The following TNC variants were observed in gnomAD, a reference collection of about 807,000 sequenced individuals.
The protein encoded by TNC is tenascin C.
In TNC, 109 loss-of-function variants were observed where a neutral mutation model predicts 202.4. The ratio of observed to expected loss-of-function variants is 0.54; its 90% CI spans 0.46 to 0.63. The LOEUF (loss-of-function observed/expected upper bound fraction) is 0.63. TNC is among the 30% of genes least tolerant of loss of function. The pLI is 0.00. For missense variants in TNC, 2,756 were observed against 2,833.3 expected, an observed-to-expected ratio of 0.97 and a Z score of 0.62; for synonymous variants, 1,007 against 1,089.7, an observed-to-expected ratio of 0.92 and a Z score of 1.50.
chr9:115,092,407 T>G (rs1234993927), intron 1 of TNC, among the ~76,000 whole-genome samples: 1 of 152,132 alleles, frequency 6.6e-6, no homozygotes, highest in Non-Finnish European at 1.5e-5. Flanking sequence ...TAGAGGCAGT[T>G]GAGAAACTAA....
At chr9:115,068,979 G>T (rs1833155607) in intron 10 of TNC, among the ~76,000 whole-genome samples, 1 of 152,132 alleles carries the variant, frequency 6.6e-6, no homozygotes, top group African/African-American at 2.4e-5. Context: ...TTTGGGTTTT[G>T]GTTCTCTCTC....
chr9:115,065,901 CAAAAAAAAAAAA>C (rs35177151), intron 10 of TNC, among the ~76,000 whole-genome samples: 2 of 46,678 alleles, frequency 4.3e-5, no homozygotes, highest in African/African-American at 1.7e-4. Context: ...GACTCCATCT[CAAAAAAAAAAAA>C]AAAAAAAAAA....
rs1048773509 is a variant in TNC, at chr9:115,101,137, A to G, written c.-136-9983T>C. ...CCAAGCCCTGAGTTAAGTATAAACG[A>G]TACAACACCAAAGAAGATAAACATG... is the stretch of plus-strand genomic sequence containing the variant. On this transcript the variant is annotated intron_variant, in intron 1 of 27. Coordinates refer to ENST00000350763, the MANE Select transcript of TNC (RefSeq NM_002160.4). 9.2e-5 allele frequency among the ~76,000 whole-genome samples: 14 copies of G among 152,216 alleles called. 1 individual carries two copies. Among genetic ancestry groups the G allele is most frequent in the Admixed American group, 1.3e-4 (2 of 15,282 alleles).
At chr9:115,110,328 C>CT in intron 1 of TNC, among the ~76,000 whole-genome samples, 1 of 152,198 alleles carries the variant, frequency 6.6e-6, no homozygotes, top group African/African-American at 2.4e-5. Flanking sequence ...AATATCTGGA[C>CT]TTTTTTGCAG....
chr9:115,051,188 A>G (rs1009264134), intron 15 of TNC, among the ~76,000 whole-genome samples: 1 of 152,172 alleles, frequency 6.6e-6, no homozygotes, highest in African/African-American at 2.4e-5. Context: ...ACCATTTGGC[A>G]GCATTTGCCA....
chr9:115,117,489 T>C lies in TNC; in HGVS notation c.-137+493A>G, dbSNP rs79054796. Among the ~76,000 whole-genome samples, 781 of 152,318 alleles carry C rather than the reference T, an allele frequency of 5.1e-3. 7 individuals are homozygous for C. Among genetic ancestry groups the C allele is most frequent in the African/African-American group, 0.017 (711 of 41,568 alleles). ...ATATTTTGAGGACCAAATGAGGGAA[T>C]GGGTACAAAACTCTTTGTAAACTTT... On this transcript the variant is annotated intron_variant, in intron 1 of 27. Coordinates refer to ENST00000350763, the MANE Select transcript of TNC (RefSeq NM_002160.4).
chr9:115,115,765 T>C (rs1837415588), intron 1 of TNC, among the ~76,000 whole-genome samples: 1 of 152,180 alleles, frequency 6.6e-6, no homozygotes, highest in Non-Finnish European at 1.5e-5. Context: ...TTTGTAAATG[T>C]GCTTTTTGTC....
intron 1 of TNC, among the ~76,000 whole-genome samples, chr9:115,100,263 G>A (rs1207780974): frequency 6.6e-6 from 1 of 152,204 alleles, no homozygotes; most frequent in African/African-American, 2.4e-5. Flanking sequence ...AGAAGCAACT[G>A]TAGAAGATCA....
intron 1 of TNC, among the ~76,000 whole-genome samples, chr9:115,094,294 C>T (rs1835451240): frequency 6.6e-6 from 1 of 152,096 alleles, no homozygotes; most frequent in Non-Finnish European, 1.5e-5. Context: ...GAATACAGTC[C>T]TAAACTCAGC....
intron 6 of TNC, among the ~76,000 whole-genome samples, chr9:115,081,442 G>A (rs561134228): frequency 1.2e-3 from 185 of 152,256 alleles, no homozygotes; most frequent in African/African-American, 4.3e-3. Context: ...TTCAATAGCT[G>A]TGTGAACAGG....
At chr9:115,048,629 A>C in intron 15 of TNC, 97 bp from the exon 16 acceptor site, 1 of 1,242,378 alleles carries the variant, frequency 8.0e-7, no homozygotes, top group Non-Finnish European at 1.1e-6. Context: ...ACCCAAGTCC[A>C]TCATTCAATT....
chr9:115,050,790 G>C (rs555419064), intron 15 of TNC, among the ~76,000 whole-genome samples: 1 of 152,108 alleles, frequency 6.6e-6, no homozygotes, highest in Non-Finnish European at 1.5e-5. Flanking sequence ...ATGAGACAAG[G>C]CTCCCAGAAG....
At chr9:115,082,613 G>T in intron 5 of TNC, 79 bp downstream of exon 5, 1 of 979,308 alleles carries the variant, frequency 1.0e-6, no homozygotes, top group Non-Finnish European at 1.6e-6. Flanking sequence ...AAAATTAGTT[G>T]ATACAGAAGT....
At position 115,095,684 on chromosome 9, in the gene TNC, A is replaced by ATATATATATGTATATATATG. The variant is rs1385257545; in HGVS notation, c.-136-4550_-136-4531dup. Among the ~76,000 whole-genome samples, 47 of 78,682 alleles carry ATATATATATGTATATATATG rather than the reference A, an allele frequency of 6.0e-4. 1 individual carries two copies. Among genetic ancestry groups the ATATATATATGTATATATATG allele is most frequent in the Non-Finnish European group, 8.3e-4 (33 of 39,552 alleles). 51.6% of individuals were successfully genotyped at this position (78,682 alleles called of 152,430 possible). A position where few individuals can be genotyped will look rare whatever the true frequency, so the allele number is the denominator to read the frequency against. On this transcript the variant is annotated intron_variant, in intron 1 of 27. Coordinates refer to ENST00000350763, the MANE Select transcript of TNC (RefSeq NM_002160.4). ...TGTATATATATATGTATATATATGT[A>ATATATATATGTATATATATG]TATATATATGTATATATATGTATAT... is the stretch of plus-strand genomic sequence containing the variant.
chr9:115,021,031 G>T lies in TNC; in HGVS notation c.*126C>A. On this transcript the variant is annotated 3_prime_UTR_variant, in exon 28 of 28. Coordinates refer to ENST00000350763, the MANE Select transcript of TNC (RefSeq NM_002160.4). ...TTGCCGTTGGCCCCAGGGATCCATG[G>T]TCAGCTTTGACTCTCACCAAATGCC... 1 of 708,136 alleles carries T rather than the reference G, an allele frequency of 1.4e-6. No homozygotes were observed. The highest frequency in any genetic ancestry group is 2.3e-6 in the Non-Finnish European group (1 of 427,070). The allele number at this position is 708,136 out of a possible 1,614,324, so 43.9% of individuals were successfully genotyped here.
chr9:115,113,875 A>G (rs1307651852), intron 1 of TNC, among the ~76,000 whole-genome samples: 1 of 152,210 alleles, frequency 6.6e-6, no homozygotes, highest in Admixed American at 6.5e-5. Context: ...AATGATAGTG[A>G]CAGGGTTGTT....
chr9:115,087,257 C>G lies in TNC; in HGVS notation c.474G>C (p.Arg158Ser), dbSNP rs1431000816. The G allele has an allele frequency of 1.2e-6, 2 of 1,612,304 alleles. No individual in the cohort carries two copies. The highest frequency in any genetic ancestry group is 1.7e-6 in the Non-Finnish European group (2 of 1,178,492). Residue 158 changes from arginine to serine, a missense_variant, in exon 3 of 28, where the codon AGG becomes AGC. Physicochemically the swap from Arg to Ser is moderately radical, Grantham distance 110 (BLOSUM62 -1). Coordinates refer to ENST00000350763, the MANE Select transcript of TNC (RefSeq NM_002160.4). ...LQPATGRLDTRPFCSGRGNFS... is the reference protein window; with the variant it reads ...LQPATGRLDTSPFCSGRGNFS... ...AGTTGCCCCGACCGCTACAGAAGGGCCTGGTGTCCAAGCGGCCTGCAACAA... is the reference window on the plus strand; with the variant it reads ...AGTTGCCCCGACCGCTACAGAAGGGGCTGGTGTCCAAGCGGCCTGCAACAA...
At chr9:115,025,890 G>A (rs192410737) in intron 26 of TNC, among the ~76,000 whole-genome samples, 19 of 152,348 alleles carry the variant, frequency 1.2e-4, no homozygotes, top group Admixed American at 1.1e-3. Context: ...TTATGAGCCA[G>A]ACAAGGAATG....
At position 115,035,258 on chromosome 9, in the gene TNC, C is replaced by G. The variant is rs1381036731; in HGVS notation, c.5733G>C (p.Arg1911=). ...ETALLTWRPP[R]ASVTGYLLVY... is the part of the protein sequence containing the mutation. ...CCAGCAGGTAACCGGTGACTGATGC[C>G]CGGGGGGGTCGCCAGGTAAGGAGGG... The change falls in exon 22 of 28, where the codon CGG becomes CGC. Residue 1911 remains arginine, a synonymous_variant. Transcript: ENST00000350763. 1.9e-6 allele frequency: 3 copies of G among 1,613,176 alleles called. No homozygotes were observed. The highest frequency in any genetic ancestry group is 2.5e-6 in the Non-Finnish European group (3 of 1,179,618).
Sources: gnomAD v4.1 joint callset for allele counts (sites outside exome capture counted in the v4.1 genomes callset) on GRCh38, gnomAD v4.1.1 for gene constraint, MANE v1.5 for transcripts, NCBI Gene and HGNC (gene_info 2026-07-23, HGNC 2026-07-21) for gene names.